PTPN2: variants seen among roughly 807,000 people sequenced by gnomAD.
The protein encoded by PTPN2 is protein tyrosine phosphatase non-receptor type 2.
Under a neutral mutation model 57.3 loss-of-function variants are expected in PTPN2, and 19 were observed. The ratio of observed to expected loss-of-function variants is 0.33; its 90% CI spans 0.23 to 0.49. The LOEUF is 0.49. PTPN2 is among the 20% of genes least tolerant of loss of function. The pLI is 0.99. For missense variants in PTPN2, 358 were observed against 501.1 expected, an observed-to-expected ratio of 0.71 and a Z score of 2.73; for synonymous variants, 153 against 164.9, an observed-to-expected ratio of 0.93 and a Z score of 0.55.
intron 2 of PTPN2, among the ~76,000 whole-genome samples, chr18:12,856,931 A>G: frequency 6.6e-6 from 1 of 151,678 alleles, no homozygotes; most frequent in East Asian, 1.9e-4. Flanking sequence ...ATGGTGGTGC[A>G]CACCTGTAAT....
chr18:12,803,342 A>G (rs1000210452), intron 7 of PTPN2, among the ~76,000 whole-genome samples: 1 of 152,232 alleles, frequency 6.6e-6, no homozygotes, highest in Non-Finnish European at 1.5e-5. Flanking sequence ...GAATATGAAA[A>G]GCAAACAGAA....
At chr18:12,860,282 C>CT (rs1274173235) in intron 1 of PTPN2, among the ~76,000 whole-genome samples, 1 of 149,514 alleles carries the variant, frequency 6.7e-6, no homozygotes, top group Non-Finnish European at 1.5e-5. Flanking sequence ...GAGTGAGACT[C>CT]TATAAAAAAA....
intron 2 of PTPN2, among the ~76,000 whole-genome samples, chr18:12,847,980 A>G (rs1441264364): frequency 6.6e-6 from 1 of 152,150 alleles, no homozygotes; most frequent in Non-Finnish European, 1.5e-5. Flanking sequence ...ATCTTTTAGT[A>G]AAAAAGCTGT....
At chr18:12,830,101 T>C (rs891254428) in intron 4 of PTPN2, among the ~76,000 whole-genome samples, 5 of 54,734 alleles carry the variant, frequency 9.1e-5, no homozygotes, top group African/African-American at 2.3e-4. Context: ...TAATCCTTGA[T>C]TTTTTTTTTT....
intron 1 of PTPN2, among the ~76,000 whole-genome samples, chr18:12,866,954 G>C (rs573835544): frequency 6.6e-6 from 1 of 151,510 alleles, no homozygotes; most frequent in Non-Finnish European, 1.5e-5. Flanking sequence ...GCAGTGAGCC[G>C]AGATCGCGCC....
At chr18:12,821,880 G>C (rs540841821) in intron 5 of PTPN2, among the ~76,000 whole-genome samples, 1 of 152,298 alleles carries the variant, frequency 6.6e-6, no homozygotes, top group South Asian at 2.1e-4. Context: ...GATTGCATCT[G>C]TGTTTTACAA....
intron 2 of PTPN2, among the ~76,000 whole-genome samples, chr18:12,852,185 GTTT>G (rs1431442062): frequency 8.1e-5 from 6 of 73,894 alleles, no homozygotes; most frequent in African/African-American, 2.2e-4. Context: ...TATGGTATGG[GTTT>G]TTAACACACA....
At chr18:12,828,145 T>C (rs1461196139) in intron 4 of PTPN2, among the ~76,000 whole-genome samples, 2 of 152,208 alleles carry the variant, frequency 1.3e-5, no homozygotes, top group Non-Finnish European at 2.9e-5. Flanking sequence ...GAATAGCACA[T>C]GAGCCAAGGA....
intron 2 of PTPN2, chr18:12,840,696 T>C: frequency 1.9e-6 from 3 of 1,597,692 alleles, no homozygotes; most frequent in East Asian, 4.5e-5. Context: ...CCTAGATTTG[T>C]GCAATTTAAG....
chr18:12,794,189 A>G lies in PTPN2; in HGVS notation c.*89T>C, dbSNP rs922031632. 21 of 1,566,640 alleles carry G rather than the reference A, an allele frequency of 1.3e-5. No individual in the cohort carries two copies. The African/African-American group carries it at 1.6e-4, about 12-fold the overall frequency. The stretch of plus-strand genomic sequence containing the variant: ...TCTATTCTACTGCACCGTTTTTGGG[A>G]TATGAGGCGTTTGCTGCAGACAAAC... On this transcript the variant is annotated 3_prime_UTR_variant, in exon 9 of 9. Transcript: ENST00000309660.
At chr18:12,856,232 C>T (rs1598857594) in intron 2 of PTPN2, among the ~76,000 whole-genome samples, 1 of 152,134 alleles carries the variant, frequency 6.6e-6, no homozygotes, top group African/African-American at 2.4e-5. Context: ...AGGAGAGGTG[C>T]CAAGGCGGTG....
At chr18:12,880,099 CAGGTCAAGA>C (rs923262172) in intron 1 of PTPN2, among the ~76,000 whole-genome samples, 1 of 152,166 alleles carries the variant, frequency 6.6e-6, no homozygotes, top group African/African-American at 2.4e-5. Context: ...CCAGCATGGG[CAGGTCAAGA>C]AGGCCTGCCA....
chr18:12,786,144 G>C (rs532543263), intron 9 of PTPN2: 9 of 412,368 alleles, frequency 2.2e-5, no homozygotes, highest in East Asian at 5.0e-5. Flanking sequence ...CTCAAGAAGT[G>C]ACCTCTGTGT....
chr18:12,836,822 T>C lies in PTPN2; in HGVS notation c.230A>G (p.Glu77Gly). The C allele has an allele frequency of 6.2e-7, 1 of 1,609,958 alleles. No homozygotes were observed. The highest frequency in any genetic ancestry group is 8.5e-7 in the Non-Finnish European group (1 of 1,178,080). Residue 77 changes from glutamate to glycine, a missense_variant, in exon 3 of 9, where the codon GAA becomes GGA. By Grantham distance (98) the Glu-to-Gly change is moderately conservative (BLOSUM62 -2). Around this residue, in one of 4 missense-constraint regions of PTPN2, gnomAD observed 193 missense variants for 315.4 expected, o/e 0.61. Coordinates refer to ENST00000309660, the MANE Select transcript of PTPN2 (RefSeq NM_002828.4). ...TAAGATGTAACTCCTTTGTGCCTCTTCTATGTCAACTAAACTGGCATTAAT... is the reference window on the plus strand; with the variant it reads ...TAAGATGTAACTCCTTTGTGCCTCTCCTATGTCAACTAAACTGGCATTAAT... ...DYINASLVDIEEAQRSYILTQ... is the reference protein window; with the variant it reads ...DYINASLVDIGEAQRSYILTQ...
chr18:12,853,319 T>TA (rs1225219314), intron 2 of PTPN2, among the ~76,000 whole-genome samples: 2 of 151,926 alleles, frequency 1.3e-5, no homozygotes, highest in African/African-American at 2.4e-5. Context: ...CCCAGCTAAT[T>TA]AAAAAAAAGT....
intron 1 of PTPN2, chr18:12,862,148 TTC>T (rs1357513722): frequency 1.3e-5 from 2 of 150,988 alleles, no homozygotes; most frequent in South Asian, 4.2e-4. Context: ...AATATCCTCT[TTC>T]TCTTTCTTTT....
At chr18:12,829,933 C>T (rs985071966) in intron 4 of PTPN2, among the ~76,000 whole-genome samples, 2 of 152,136 alleles carry the variant, frequency 1.3e-5, no homozygotes, top group Non-Finnish European at 2.9e-5. Context: ...ATAATTAAAC[C>T]TGACTCTTGT....
intron 1 of PTPN2, among the ~76,000 whole-genome samples, chr18:12,876,284 GAAC>G (rs1272388390): frequency 7.4e-6 from 1 of 135,686 alleles, no homozygotes; most frequent in Non-Finnish European, 1.6e-5. Context: ...TGGCCAACAA[GAAC>G]AACAACAAAA....
At chr18:12,802,268 A>C in intron 7 of PTPN2, 117 bp from the exon 8 acceptor site, 1 of 814,416 alleles carries the variant, frequency 1.2e-6, no homozygotes, top group Non-Finnish European at 1.9e-6. Context: ...AATGATGCTA[A>C]AAGATGAGTG....
Sources: allele counts gnomAD v4.1 joint callset (sites outside exome capture counted in the v4.1 genomes callset), GRCh38; gene constraint gnomAD v4.1.1; regional missense constraint gnomAD v4.1.1; transcripts MANE v1.5; gene names NCBI Gene and HGNC (gene_info 2026-07-23, HGNC 2026-07-21).